POLG: variants seen among roughly 807,000 people sequenced by gnomAD.
POLG encodes DNA polymerase subunit gamma-1.
A neutral mutation model predicts 155.4 loss-of-function variants in POLG; 110 were observed. That is an observed-to-expected ratio of 0.71 (90% CI 0.61 to 0.83). The LOEUF (loss-of-function observed/expected upper bound fraction) is 0.83, where lower values mean the gene tolerates loss of function less well. Ranked by LOEUF, POLG falls within the 40% of genes least tolerant of loss-of-function variation. The pLI, the probability that POLG is intolerant of heterozygous loss-of-function variation, is 0.00. For synonymous variants in POLG, 701 were observed against 631.5 expected (o/e 1.11, Z -1.65); for missense variants, 1,685 against 1,627.5 (o/e 1.04, Z -0.61).
chr15:89,321,658 A>C, intron 16 of POLG, 78 bp downstream of exon 16: 2 of 1,027,302 alleles, frequency 1.9e-6, no homozygotes, highest in Non-Finnish European at 3.1e-6. Flanking sequence ...CTCACTAAAT[A>C]CCTAAAGGCC....
At position 89,325,585 on chromosome 15, in the gene POLG, A is replaced by G; in HGVS notation, c.1814T>C (p.Leu605Pro). The G allele has an allele frequency of 6.2e-7, 1 of 1,613,838 alleles. No homozygotes were observed. The highest frequency in any genetic ancestry group is 8.5e-7 in the Non-Finnish European group (1 of 1,180,014). The change falls in exon 10 of 23, where the codon CTT becomes CCT. Residue 605 changes from leucine to proline, a missense_variant. Around this residue, in one of 3 missense-constraint regions of POLG, gnomAD observed 1,210 missense variants for 1,167.1 expected, o/e 1.04. Coordinates refer to ENST00000268124, the MANE Select transcript of POLG (RefSeq NM_002693.3). ...QMRVTPKLMA[L>P]TWDGFPLHYS... ...GTGCAGAGGGAAGCCATCCCAGGTA[A>G]GTGCCATGAGTTTAGGTGTGACCCG...
chr15:89,318,641 G>A lies in POLG; in HGVS notation c.3382C>T (p.Arg1128Cys), dbSNP rs755544706. 1.4e-5 allele frequency: 23 copies of A among 1,614,030 alleles called. No homozygotes were observed. In the Middle Eastern group the frequency reaches 4.9e-4, roughly 35 times the overall value. Residue 1128 changes from arginine (R) to cysteine (C), a missense_variant, in exon 21 of 23, where the codon CGC becomes TGC. Physicochemically the swap from Arg to Cys is radical, Grantham distance 180 (BLOSUM62 -3). Coordinates refer to ENST00000268124, the MANE Select transcript of POLG (RefSeq NM_002693.3). ...TCGTCATGGATGCTGATGCAGAAGC[G>A]CCCATCTATGGCAAACTCTTCAAAC... is the stretch of plus-strand genomic sequence containing the variant. Reference protein sequence around the residue: ...WLFEEFAIDGRFCISIHDEVR... With the variant: ...WLFEEFAIDGCFCISIHDEVR...
chr15:89,328,501 G>C lies in POLG; in HGVS notation c.1205C>G (p.Ala402Gly). The C allele has an allele frequency of 6.2e-7, 1 of 1,613,834 alleles. No homozygotes were observed. Among genetic ancestry groups the C allele is most frequent in the Non-Finnish European group, 8.5e-7 (1 of 1,179,986 alleles). Residue 402 changes from alanine (A) to glycine (G), a missense_variant, in exon 6 of 23, where the codon GCC becomes GGC. Physicochemically the swap from Ala to Gly is moderately conservative, Grantham distance 60. Transcript: ENST00000268124. ...CTGCTGCTGGAAAACCTCATGGGTG[G>C]CCCACACGTCCTGGGCACAGTACTG... ...LMQYCAQDVW[A>G]THEVFQQQLP... is the part of the protein sequence containing the mutation.
Position 89,333,368 on chromosome 15 carries a change from G to T in POLG, c.387C>A (p.Pro129=). The change falls in exon 2 of 23, where the codon CCC becomes CCA. Residue 129 remains proline, a synonymous_variant. Coordinates refer to ENST00000268124, the MANE Select transcript of POLG (RefSeq NM_002693.3). The part of the protein sequence containing the change: ...PLPDVELRLP[P]LYGDNLDQHF... ...GCTGGTCCAGGTTGTCCCCGTAGAGGGGCGGCAGGCGCAGCTCCACGTCGG... is the reference window on the plus strand; with the variant it reads ...GCTGGTCCAGGTTGTCCCCGTAGAGTGGCGGCAGGCGCAGCTCCACGTCGG... The T allele has an allele frequency of 6.3e-7, 1 of 1,576,910 alleles. No individual in the cohort carries two copies.
chr15:89,333,349 C>A lies in POLG; in HGVS notation c.406G>T (p.Asp136Tyr). ...TGGGCCAGGAGGCGGAAGTGCTGGT[C>A]CAGGTTGTCCCCGTAGAGGGGCGGC... ...RLPPLYGDNL[D>Y]QHFRLLAQKQ... Residue 136 changes from aspartate to tyrosine, a missense_variant, in exon 2 of 23, where the codon GAC becomes TAC. This residue lies in a region of POLG where 1,210 missense variants were observed against 1,167.1 expected (regional missense o/e 1.04). Transcript: ENST00000268124. 6.4e-7 allele frequency: 1 copy of A among 1,568,948 alleles called. No individual in the cohort carries two copies. The highest frequency in any genetic ancestry group is 1.1e-5 in the South Asian group (1 of 86,992).
chr15:89,327,765 A>G (rs1283238830), intron 6 of POLG, among the ~76,000 whole-genome samples: 1 of 152,178 alleles, frequency 6.6e-6, no homozygotes, highest in Non-Finnish European at 1.5e-5. Flanking sequence ...AAGTTCACTT[A>G]CACATTTATT....
chr15:89,319,377 C>T (rs761868810), intron 18 of POLG, 27 bp from the exon 19 acceptor site: 3 of 1,612,488 alleles, frequency 1.9e-6, no homozygotes, highest in East Asian at 2.2e-5. Context: ...CACCATCATT[C>T]CACGGGAGTG....
chr15:89,320,690 C>A, intron 18 of POLG, 76 bp downstream of exon 18: 1 of 1,530,522 alleles, frequency 6.5e-7, no homozygotes, highest in Non-Finnish European at 9.0e-7. Context: ...GGAGATAGAA[C>A]AGATGGTAGT....
intron 14 of POLG, 81 bp downstream of exon 14, chr15:89,322,661 T>A: frequency 1.3e-6 from 2 of 1,485,998 alleles, no homozygotes; most frequent in Non-Finnish European, 1.9e-6. Context: ...TGGCCCTCTG[T>A]GGGAATCCAG....
rs762592137 is a variant in POLG at position 89,326,607 on chromosome 15, C to T, written c.1712+5G>A. On this transcript the variant is annotated splice_donor_5th_base_variant and intron_variant, in intron 9 of 22. Transcript: ENST00000268124. ...GATACACTGCTGGGGGTGGGCAGGGCTCACCCAGGGTGTCCAGGAAGGTGC... is the reference window on the plus strand; with the variant it reads ...GATACACTGCTGGGGGTGGGCAGGGTTCACCCAGGGTGTCCAGGAAGGTGC... The T allele has an allele frequency of 2.5e-6, 4 of 1,613,252 alleles. No individual in the cohort carries two copies. The East Asian group carries it at 8.9e-5, about 36-fold the overall frequency.
chr15:89,333,385 C>T lies in POLG; in HGVS notation c.370G>A (p.Glu124Lys). The T allele has an allele frequency of 6.3e-7, 1 of 1,585,812 alleles. No homozygotes were observed. Among genetic ancestry groups the T allele is most frequent in the Non-Finnish European group, 8.6e-7 (1 of 1,169,362 alleles). The change falls in exon 2 of 23, where the codon GAG (glutamate) becomes AAG (lysine). Residue 124 changes from glutamate (E) to lysine (K), a missense_variant. Physicochemically the swap from Glu to Lys is moderately conservative, Grantham distance 56. Coordinates refer to ENST00000268124, the MANE Select transcript of POLG (RefSeq NM_002693.3). The stretch of plus-strand genomic sequence containing the variant: ...CCGTAGAGGGGCGGCAGGCGCAGCT[C>T]CACGTCGGGCAAGGGCACGGCTGGC... ...GQPAVPLPDVELRLPPLYGDN... is the reference protein window; with the variant it reads ...GQPAVPLPDVKLRLPPLYGDN...
intron 10 of POLG, among the ~76,000 whole-genome samples, chr15:89,325,025 A>C (rs12899409): frequency 0.11 from 10,273 of 89,562 alleles, 1,272 homozygotes; most frequent in South Asian, 0.19. Context: ...GGAAGAAAAA[A>C]CCTGAACCCA....
In POLG at chr15:89,325,187, T is replaced by A. The variant is rs866190804; in HGVS notation, c.1949+263A>T. On this transcript the variant is annotated intron_variant, in intron 10 of 22. Transcript: ENST00000268124. ...GTGAGTGAGAGAGTGAGAGAGTGAG[T>A]GAGTGAGAGAGTGAGTGAGAGAGTG... is the stretch of plus-strand genomic sequence containing the variant. Among the ~76,000 whole-genome samples, 31 of 53,478 alleles carry A rather than the reference T, an allele frequency of 5.8e-4. 1 individual carries two copies. The highest frequency in any genetic ancestry group is 1.5e-3 in the East Asian group (3 of 2,024). 35.1% of individuals were successfully genotyped at this position (53,478 alleles called of 152,430 possible). A position where few individuals can be genotyped will look rare whatever the true frequency, so the allele number is the denominator to read the frequency against.
rs2055424649 is a variant in POLG, at chr15:89,323,284, G to A, written c.2265+120C>T. ...CAGTATGTGCCTGAAATCACACTCT[G>A]TCCCACTACTAGTCATTCCCACAAA... On this transcript the variant is annotated intron_variant, in intron 13 of 22. Transcript: ENST00000268124. 67 of 725,096 alleles carry A rather than the reference G, an allele frequency of 9.2e-5. No homozygotes were observed. The South Asian group carries it at 9.7e-4, about 11-fold the overall frequency. The allele number at this position is 725,096 out of a possible 1,614,324, so 44.9% of individuals were successfully genotyped here. A position where few individuals can be genotyped will look rare whatever the true frequency, so the allele number is the denominator to read the frequency against.
intron 2 of POLG, 124 bp downstream of exon 2, chr15:89,332,972 A>T: frequency 2.3e-6 from 3 of 1,317,300 alleles, no homozygotes; most frequent in Non-Finnish European, 3.0e-6. Flanking sequence ...GTCCTAATTC[A>T]ACACATCAGC....
Position 89,316,769 on chromosome 15 carries a change from T to G in POLG, c.3702A>C (p.Arg1234=). The part of the protein sequence containing the change: ...IELTKGSLEK[R]SQPGP ...GGCAGTGCTATGGTCCAGGCTGGCT[T>G]CGTTTTTCCAAGGAGCCTTTGGTGA... is the stretch of plus-strand genomic sequence containing the variant. The change falls in exon 23 of 23, where the codon CGA becomes CGC. Residue 1234 remains arginine, a synonymous_variant. Coordinates refer to ENST00000268124, the MANE Select transcript of POLG (RefSeq NM_002693.3). 6.2e-7 allele frequency: 1 copy of G among 1,613,790 alleles called. No homozygotes were observed. The highest frequency in any genetic ancestry group is 8.5e-7 in the Non-Finnish European group (1 of 1,179,638).
At position 89,333,437 on chromosome 15, in the gene POLG, G is replaced by T. The variant is rs1163163275; in HGVS notation, c.318C>A (p.His106Gln). 1.9e-6 allele frequency: 3 copies of T among 1,609,254 alleles called. 1 individual carries two copies. The South Asian group carries it at 3.3e-5, about 18-fold the overall frequency. ...GEAAVRRSVE[H>Q]LQKHGLWGQP... is the part of the protein sequence containing the mutation. ...GCCCCCAGAGCCCGTGCTTCTGCAG[G>T]TGCTCGACGCTGCGGCGCACCGCGG... is the stretch of plus-strand genomic sequence containing the variant. The change falls in exon 2 of 23, where the codon CAC (histidine) becomes CAA (glutamine). Residue 106 changes from histidine to glutamine, a missense_variant. This residue lies in a region of POLG where 1,210 missense variants were observed against 1,167.1 expected (regional missense o/e 1.04). Transcript: ENST00000268124.
At position 89,333,731 on chromosome 15, in the gene POLG, C is replaced by G. The variant is rs886044323; in HGVS notation, c.24G>C (p.Lys8Asn). 1 of 1,535,732 alleles carries G rather than the reference C, an allele frequency of 6.5e-7. No individual in the cohort carries two copies. The highest frequency in any genetic ancestry group is 1.4e-5 in the African/African-American group (1 of 73,148). Residue 8 changes from lysine to asparagine, a missense_variant, in exon 2 of 23, where the codon AAG becomes AAC. Transcript: ENST00000268124. ...CTGGCCCGACGGTGGCGCCGGCCAC[C>G]TTCCTCCAGAGCAGGCGGCTCATGG... is the stretch of plus-strand genomic sequence containing the variant. MSRLLWR[K>N]VAGATVGPGP...
intron 8 of POLG, 65 bp downstream of exon 8, chr15:89,326,847 C>G (rs2152066820): frequency 6.2e-7 from 1 of 1,609,210 alleles, no homozygotes; most frequent in East Asian, 2.2e-5. Context: ...GAAGGACCCC[C>G]TCAATCACAG....
Sources: allele counts gnomAD v4.1 joint callset (sites outside exome capture counted in the v4.1 genomes callset), GRCh38; gene constraint gnomAD v4.1.1; regional missense constraint gnomAD v4.1.1; transcripts MANE v1.5; gene names NCBI Gene and HGNC (gene_info 2026-07-23, HGNC 2026-07-21).